Variants in ERCC6 observed in about 807,000 individuals in gnomAD.
The protein encoded by ERCC6 is ERCC excision repair 6, chromatin remodeling factor, also known as DNA excision repair protein ERCC-6.
ERCC6 carries 116 observed loss-of-function variants against 158.7 expected under a neutral mutation model. That is an observed-to-expected ratio of 0.73 (90% confidence interval 0.63 to 0.85). ERCC6 has a LOEUF of 0.85. ERCC6 is among the 40% of genes least tolerant of loss of function. The pLI is 0.00. For missense variants in ERCC6, 1,698 were observed against 1,799.4 expected (o/e 0.94, Z 1.02); for synonymous variants, 678 against 659.3 (o/e 1.03, Z -0.43).
the ERCC6 span, among the ~76,000 whole-genome samples, chr10:49,438,678 A>G: frequency 6.6e-6 from 1 of 152,188 alleles, no homozygotes; most frequent in African/African-American, 2.4e-5. Flanking sequence ...CCCAAAAGTC[A>G]ACAGTCCAAA....
In ERCC6 at chr10:49,516,820, G is replaced by T. The variant is rs749883507; in HGVS notation, c.1397+7213C>A. The T allele has an allele frequency of 8.1e-6, 13 of 1,614,144 alleles. No homozygotes were observed. The highest frequency in any genetic ancestry group is 1.3e-5 in the African/African-American group (1 of 75,020). Reference sequence around the variant, plus strand: ...ATTTTCCTCCTCCTTGATGGTGGAGGTTGCTGCACAGTAAACGTAGATGGA... The same window carrying T: ...ATTTTCCTCCTCCTTGATGGTGGAGTTTGCTGCACAGTAAACGTAGATGGA... On this transcript the variant is annotated intron_variant, in intron 5 of 20. Coordinates refer to ENST00000355832, the MANE Select transcript of ERCC6 (RefSeq NM_000124.4).
chr10:49,470,026 T>A (rs1850744367), intron 18 of ERCC6, among the ~76,000 whole-genome samples, 156 bp downstream of exon 18: 1 of 152,252 alleles, frequency 6.6e-6, no homozygotes, highest in African/African-American at 2.4e-5. Flanking sequence ...ATACGATTTT[T>A]AAAATGTCAA....
At chr10:49,475,648 A>G (rs1270589919) in intron 12 of ERCC6, among the ~76,000 whole-genome samples, 2 of 152,264 alleles carry the variant, frequency 1.3e-5, no homozygotes, top group Non-Finnish European at 2.9e-5. Context: ...TAGTAGAAAG[A>G]GAGCTTTCTC....
At chr10:49,487,137 AAC>A (rs1301483938) in intron 8 of ERCC6, among the ~76,000 whole-genome samples, 1 of 152,240 alleles carries the variant, frequency 6.6e-6, no homozygotes, top group African/African-American at 2.4e-5. Flanking sequence ...GTTTTAATTC[AAC>A]AGAGTATAAA....
At chr10:49,536,049 G>C (rs1837589330) in intron 1 of ERCC6, among the ~76,000 whole-genome samples, 1 of 152,232 alleles carries the variant, frequency 6.6e-6, no homozygotes, top group South Asian at 2.1e-4. Flanking sequence ...CCAGGAGGCA[G>C]AGGTTGCAGT....
chr10:49,462,061 T>C (rs1158274501), intron 18 of ERCC6, among the ~76,000 whole-genome samples: 2 of 152,132 alleles, frequency 1.3e-5, no homozygotes, highest in African/African-American at 4.8e-5. Flanking sequence ...CTAAAGTTCA[T>C]ACAGAACAAT....
intron 1 of ERCC6, among the ~76,000 whole-genome samples, chr10:49,537,586 A>C (rs1837632045): frequency 1.3e-5 from 2 of 152,130 alleles, no homozygotes; most frequent in African/African-American, 4.8e-5. Flanking sequence ...GCTTTCTGAC[A>C]AAATGAGAGA....
At chr10:49,445,528 G>A in the ERCC6 span, among the ~76,000 whole-genome samples, 1 of 152,148 alleles carries the variant, frequency 6.6e-6, no homozygotes, top group South Asian at 2.1e-4. Flanking sequence ...AACACACACA[G>A]CTCTTATTTT....
chr10:49,468,359 C>G (rs930944986), intron 18 of ERCC6, among the ~76,000 whole-genome samples: 1 of 152,210 alleles, frequency 6.6e-6, no homozygotes, highest in Non-Finnish European at 1.5e-5. Flanking sequence ...TGGGTTCTCC[C>G]TCTTTCTGTT....
Position 49,478,388 on chromosome 10 carries a change from T to C in ERCC6, c.2252A>G (p.Lys751Arg). 1 of 1,613,860 alleles carries C rather than the reference T, an allele frequency of 6.2e-7. No individual in the cohort carries two copies. The highest frequency in any genetic ancestry group is 1.1e-5 in the South Asian group (1 of 91,080). ...YLLRRMKSDV[K>R]MSLSLPDKNE... is the part of the protein sequence containing the mutation. Reference sequence around the variant, plus strand: ...TTTATCTGGCAAAGAAAGGCTCATCTTGACATCTGACTTCATTCTCCGCAG... The same window carrying C: ...TTTATCTGGCAAAGAAAGGCTCATCCTGACATCTGACTTCATTCTCCGCAG... The change falls in exon 11 of 21, where the codon AAG becomes AGG. Residue 751 changes from lysine (K) to arginine (R), a missense_variant. Physicochemically the swap from Lys to Arg is conservative, Grantham distance 26 (BLOSUM62 2). Coordinates refer to ENST00000355832, the MANE Select transcript of ERCC6 (RefSeq NM_000124.4).
chr10:49,516,612 C>G (rs1252169381), intron 5 of ERCC6: 1 of 1,614,060 alleles, frequency 6.2e-7, no homozygotes, highest in African/African-American at 1.3e-5. Context: ...TACACCTTTA[C>G]TGCAAGCATA....
intron 8 of ERCC6, among the ~76,000 whole-genome samples, chr10:49,488,922 T>C: frequency 6.6e-6 from 1 of 152,174 alleles, no homozygotes; most frequent in East Asian, 1.9e-4. Context: ...TAGCTGGGAC[T>C]ACAAGGTGCC....
At chr10:49,447,614 G>C in the ERCC6 span, among the ~76,000 whole-genome samples, 1 of 151,886 alleles carries the variant, frequency 6.6e-6, no homozygotes, top group Non-Finnish European at 1.5e-5. Flanking sequence ...CGAGGCAGGA[G>C]AATGGCGTGA....
chr10:49,482,847 C>T lies in ERCC6; in HGVS notation c.2009G>A (p.Arg670Gln), dbSNP rs1033353171. 1.9e-6 allele frequency: 3 copies of T among 1,613,926 alleles called. No homozygotes were observed. Among genetic ancestry groups the T allele is most frequent in the Admixed American group, 1.7e-5 (1 of 60,008 alleles). ...LACKQFRTPHRIILSGSPMQN... is the reference protein window; with the variant it reads ...LACKQFRTPHQIILSGSPMQN... ...CATCGGTGAGCCAGACAGAATGATC[C>T]GATGAGGGGTGCGAAACTATTTGAG... is the stretch of plus-strand genomic sequence containing the variant. Residue 670 changes from arginine (R) to glutamine (Q), a missense_variant, in exon 10 of 21, where the codon CGG (arginine) becomes CAG (glutamine). By Grantham distance (43) the Arg-to-Gln change is conservative. Coordinates refer to ENST00000355832, the MANE Select transcript of ERCC6 (RefSeq NM_000124.4).
chr10:49,505,811 G>A, intron 6 of ERCC6, 73 bp downstream of exon 6: 1 of 1,588,240 alleles, frequency 6.3e-7, no homozygotes, highest in Non-Finnish European at 8.6e-7. Context: ...TAACTACTAT[G>A]TAATTCCTAA....
At chr10:49,505,441 T>C (rs1278009412) in intron 6 of ERCC6, 1 of 166,024 alleles carries the variant, frequency 6.0e-6, no homozygotes, top group Non-Finnish European at 1.3e-5. Context: ...TCAGGTACAA[T>C]ATAAGACACT....
In ERCC6 at chr10:49,516,520, G is replaced by A. The variant is rs1334116399; in HGVS notation, c.1397+7513C>T. ...TCTGTTCTTTGTTCCCAAAACATACGCCTTCTAGGAACTGAGACATAACCA... is the reference window on the plus strand; with the variant it reads ...TCTGTTCTTTGTTCCCAAAACATACACCTTCTAGGAACTGAGACATAACCA... On this transcript the variant is annotated intron_variant, in intron 5 of 20. Transcript: ENST00000355832. 6.2e-6 allele frequency: 10 copies of A among 1,613,926 alleles called. No homozygotes were observed. In the Admixed American group the frequency reaches 6.7e-5, roughly 11 times the overall value.
chr10:49,478,133 T>C (rs944015431), intron 11 of ERCC6, among the ~76,000 whole-genome samples: 3 of 152,210 alleles, frequency 2.0e-5, no homozygotes, highest in African/African-American at 4.8e-5. Context: ...TGGAGATGTT[T>C]AAAAGAGTAG....
intron 16 of ERCC6, 49 bp from the exon 17 acceptor site, chr10:49,471,169 TA>T: frequency 6.3e-7 from 1 of 1,590,654 alleles, no homozygotes. Context: ...TAGCTCTACC[TA>T]AAAATTCAAG....
Sources: allele counts gnomAD v4.1 joint callset (sites outside exome capture counted in the v4.1 genomes callset), GRCh38; gene constraint gnomAD v4.1.1; transcripts MANE v1.5; gene names NCBI Gene and HGNC (gene_info 2026-07-23, HGNC 2026-07-21).